Variants in ZNF385C observed in about 807,000 individuals in gnomAD.
The protein encoded by ZNF385C is CTD-2132N18.2.
A neutral mutation model predicts 35.4 loss-of-function variants in ZNF385C; 28 were observed. That is an observed-to-expected ratio of 0.79 (90% CI 0.59 to 1.08). The LOEUF (loss-of-function observed/expected upper bound fraction) is 1.08, where lower values mean the gene tolerates loss of function less well. Among genes scored for constraint, ZNF385C ranks in the 50% least tolerant of loss-of-function variants. The pLI, the probability that ZNF385C is intolerant of heterozygous loss-of-function variation, is 0.00. For synonymous variants in ZNF385C, 248 were observed against 248.2 expected (o/e 1.00, Z 0.01); for missense variants, 605 against 595.6 (o/e 1.02, Z -0.16).
chr17:42,089,542 A>G (rs1282170608), intron 1 of ZNF385C, among the ~76,000 whole-genome samples: 2 of 152,162 alleles, frequency 1.3e-5, no homozygotes, highest in African/African-American at 4.8e-5. Flanking sequence ...CCACCTAAAA[A>G]TATTACGGGT....
chr17:42,027,562 A>ACCCCCCC, intron 8 of ZNF385C, 56 bp downstream of exon 8: 1 of 150,460 alleles, frequency 6.6e-6, no homozygotes, highest in Non-Finnish European at 1.3e-5. Context: ...TGGCCCTCCC[A>ACCCCCCC]GCCCACCCTC....
chr17:42,029,119 A>G, intron 5 of ZNF385C, 46 bp from the exon 6 acceptor site: 1 of 1,519,946 alleles, frequency 6.6e-7, no homozygotes, highest in African/African-American at 1.4e-5. Context: ...GACGCTGCAG[A>G]CCACGATCTT....
chr17:42,043,555 G>A (rs1363018510), intron 2 of ZNF385C: 22 of 441,170 alleles, frequency 5.0e-5, no homozygotes, highest in Admixed American at 1.3e-4. Flanking sequence ...CTGCTCTGCC[G>A]GTGGGAGACT....
At chr17:42,040,956 G>A (rs2053004731) in intron 2 of ZNF385C, 8 of 1,232,246 alleles carry the variant, frequency 6.5e-6, no homozygotes, top group East Asian at 6.3e-5. Flanking sequence ...CAGATACGCC[G>A]AAAGCCTGCA....
At chr17:42,034,376 C>T (rs886806815) in intron 3 of ZNF385C, 41 bp from the exon 4 acceptor site, 86 of 1,491,224 alleles carry the variant, frequency 5.8e-5, no homozygotes, top group Non-Finnish European at 7.4e-5. Flanking sequence ...CTGGGGTTGG[C>T]TTGGGAAGCA....
chr17:42,069,274 G>A (rs2053590904), intron 1 of ZNF385C, among the ~76,000 whole-genome samples: 1 of 151,216 alleles, frequency 6.6e-6, no homozygotes, highest in South Asian at 2.1e-4. Context: ...CTGGGGGGTG[G>A]GTTGGGGGGA....
chr17:42,043,171 T>G, intron 2 of ZNF385C: 1 of 1,232,222 alleles, frequency 8.1e-7, no homozygotes, highest in Non-Finnish European at 1.0e-6. Context: ...CTGGAAGTTG[T>G]CTGTGCCCAC....
At chr17:42,076,518 A>G (rs1408926424) in intron 1 of ZNF385C, among the ~76,000 whole-genome samples, 8 of 152,152 alleles carry the variant, frequency 5.3e-5, no homozygotes, top group Non-Finnish European at 1.2e-4. Flanking sequence ...GCTACTCAGG[A>G]GGCTGAGGCA....
intron 1 of ZNF385C, among the ~76,000 whole-genome samples, chr17:42,093,959 G>A (rs535228107): frequency 1.3e-5 from 2 of 150,764 alleles, no homozygotes; most frequent in Non-Finnish European, 3.0e-5. Flanking sequence ...AGAAGTGATC[G>A]TGGCCCCCTG....
At chr17:42,059,469 G>T (rs1343731018) in intron 2 of ZNF385C, among the ~76,000 whole-genome samples, 2 of 152,152 alleles carry the variant, frequency 1.3e-5, no homozygotes, top group African/African-American at 4.8e-5. Flanking sequence ...TGACCCCTAA[G>T]ATGGTGCCCC....
chr17:42,045,208 C>T (rs879965136), intron 2 of ZNF385C, among the ~76,000 whole-genome samples: 3 of 152,132 alleles, frequency 2.0e-5, no homozygotes, highest in South Asian at 2.1e-4. Flanking sequence ...TGAGCCACCG[C>T]GCCCAGCCAA....
chr17:42,031,166 G>T (rs188669784), intron 5 of ZNF385C, among the ~76,000 whole-genome samples: 1 of 152,172 alleles, frequency 6.6e-6, no homozygotes, highest in Admixed American at 6.5e-5. Flanking sequence ...AGCCTCCTGA[G>T]TAGCTGGGAC....
intron 1 of ZNF385C, among the ~76,000 whole-genome samples, chr17:42,090,189 C>A (rs534066952): frequency 6.6e-6 from 1 of 151,538 alleles, no homozygotes; most frequent in Admixed American, 6.6e-5. Context: ...CTTCTCATGG[C>A]TGATATTTAA....
At chr17:42,034,113 C>T in intron 4 of ZNF385C, 112 bp downstream of exon 4, 1 of 861,772 alleles carries the variant, frequency 1.2e-6, no homozygotes, top group South Asian at 1.4e-5. Context: ...AAAATACCGA[C>T]CACAGCCCCT....
At chr17:42,097,117 C>T (rs2053927152) in intron 1 of ZNF385C, among the ~76,000 whole-genome samples, 1 of 152,108 alleles carries the variant, frequency 6.6e-6, no homozygotes, top group South Asian at 2.1e-4. Flanking sequence ...GTGCTAAGCG[C>T]TCTACATGTG....
chr17:42,070,933 C>T (rs2053615685), intron 1 of ZNF385C, among the ~76,000 whole-genome samples: 1 of 152,216 alleles, frequency 6.6e-6, no homozygotes, highest in African/African-American at 2.4e-5. Context: ...CCAGCACTGA[C>T]ACCTCCCCAG....
intron 2 of ZNF385C, among the ~76,000 whole-genome samples, chr17:42,057,499 C>CGT (rs202100946): frequency 0.51 from 66,838 of 131,452 alleles, 17,309 homozygotes; most frequent in East Asian, 0.65. Flanking sequence ...TAGGGGTGTG[C>CGT]GCGCGCGCGC....
At chr17:42,027,934 T>G in intron 7 of ZNF385C, 116 bp downstream of exon 7, 8 of 1,390,764 alleles carry the variant, frequency 5.8e-6, no homozygotes, top group Middle Eastern at 1.9e-4. Flanking sequence ...TGGCCTCGCT[T>G]CTCCAGCCTG....
chr17:42,042,156 G>C (rs1219417156), intron 2 of ZNF385C, among the ~76,000 whole-genome samples: 1 of 152,092 alleles, frequency 6.6e-6, no homozygotes, highest in Non-Finnish European at 1.5e-5. Context: ...AGGATTGCTT[G>C]AGGCCAGGAG....
Sources: allele counts gnomAD v4.1 joint callset (sites outside exome capture counted in the v4.1 genomes callset), GRCh38; gene constraint gnomAD v4.1.1; transcripts MANE v1.5; gene names NCBI Gene and HGNC (gene_info 2026-07-23, HGNC 2026-07-21).